Variants in TDRD5 observed in about 807,000 individuals in gnomAD.
TDRD5 encodes the protein tudor domain-containing protein 5.
A neutral mutation model predicts 120.6 loss-of-function variants in TDRD5; 41 were observed. The observed-to-expected ratio is 0.34, with a 90% CI of 0.26 to 0.44. The LOEUF is 0.44. TDRD5 is among the 20% of genes least tolerant of loss of function. The probability of loss-of-function intolerance (pLI) is 1.00; values close to 1 mark genes in which losing one functional copy is unlikely to be tolerated. For missense variants in TDRD5, 1,006 were observed against 1,221.2 expected, an observed-to-expected ratio of 0.82 and a Z score of 2.63; for synonymous variants, 430 against 433.7, an observed-to-expected ratio of 0.99 and a Z score of 0.11.
intron 17 of TDRD5, among the ~76,000 whole-genome samples, chr1:179,687,885 T>TTC (rs1166870024): frequency 3.8e-4 from 58 of 151,190 alleles, no homozygotes; most frequent in Non-Finnish European, 3.0e-4. Context: ...TTTTTTTTTT[T>TTC]CCATTTGCTT....
intron 17 of TDRD5, among the ~76,000 whole-genome samples, chr1:179,690,282 A>G (rs138358982): frequency 6.6e-6 from 1 of 152,276 alleles, no homozygotes; most frequent in East Asian, 1.9e-4. Flanking sequence ...TTACCCTGGC[A>G]CAGACTTGGA....
At chr1:179,630,721 C>A in intron 6 of TDRD5, 46 bp from the exon 7 acceptor site, 1 of 1,583,890 alleles carries the variant, frequency 6.3e-7, no homozygotes. Flanking sequence ...TGTTATATAT[C>A]TGTTATCTAA....
In TDRD5 at chr1:179,654,305, TGAA is replaced by T. The variant is rs1466322803; in HGVS notation, c.2271_2273del (p.Glu757del). 3.9e-6 allele frequency: 6 copies of T among 1,549,600 alleles called. No individual in the cohort carries two copies. In the African/African-American group the frequency reaches 8.2e-5, roughly 21 times the overall value. ...CTTTGAAAACCTGTAATAAGAGCTT[TGAA>T]GAAGATCCAAAGTGGTCCAACCCAG... On this transcript the variant is annotated inframe_deletion, in exon 14 of 18. Transcript: ENST00000444136.
intron 4 of TDRD5, among the ~76,000 whole-genome samples, chr1:179,607,489 C>T (rs1676039353): frequency 6.6e-6 from 1 of 152,042 alleles, no homozygotes; most frequent in African/African-American, 2.4e-5. Context: ...CACTCTTTGC[C>T]TTGTACCTGG....
chr1:179,655,144 C>T (rs1678930846), intron 14 of TDRD5, among the ~76,000 whole-genome samples: 1 of 152,116 alleles, frequency 6.6e-6, no homozygotes, highest in Non-Finnish European at 1.5e-5. Flanking sequence ...TAAATAACAT[C>T]CTCATGTTGT....
intron 4 of TDRD5, among the ~76,000 whole-genome samples, chr1:179,596,634 G>T (rs1390698169): frequency 6.6e-6 from 1 of 152,196 alleles, no homozygotes; most frequent in African/African-American, 2.4e-5. Flanking sequence ...TATCCAAGAT[G>T]TATATATCAG....
Position 179,650,206 on chromosome 1 carries a change from G to A in TDRD5, c.1801-661G>A, listed in dbSNP as rs544516453. On this transcript the variant is annotated intron_variant, in intron 11 of 17. Coordinates refer to ENST00000444136, the MANE Select transcript of TDRD5 (RefSeq NM_001199085.3). Reference sequence around the variant, plus strand: ...ACCTGAAGTCAGGAGCTCAAGACCAGCCTGGCCAACATGGTGAAACCCCGT... The same window carrying A: ...ACCTGAAGTCAGGAGCTCAAGACCAACCTGGCCAACATGGTGAAACCCCGT... 2.0e-5 allele frequency among the ~76,000 whole-genome samples: 3 copies of A among 152,124 alleles called. No homozygotes were observed. In the East Asian group the frequency reaches 5.8e-4, roughly 29 times the overall value.
intron 17 of TDRD5, among the ~76,000 whole-genome samples, chr1:179,682,517 C>G (rs1019083674): frequency 6.6e-6 from 1 of 152,074 alleles, no homozygotes; most frequent in Non-Finnish European, 1.5e-5. Context: ...CCTGTGTTAG[C>G]TGAGAATGAT....
intron 17 of TDRD5, among the ~76,000 whole-genome samples, chr1:179,688,026 A>G (rs1295673734): frequency 6.6e-6 from 1 of 151,872 alleles, no homozygotes; most frequent in African/African-American, 2.4e-5. Flanking sequence ...TTTTAATTGG[A>G]GCATTTAGCC....
chr1:179,649,927 C>T (rs1218491357), intron 11 of TDRD5, among the ~76,000 whole-genome samples: 1 of 152,170 alleles, frequency 6.6e-6, no homozygotes, highest in African/African-American at 2.4e-5. Context: ...AAATTAACAA[C>T]TTGAGGATGT....
intron 6 of TDRD5, among the ~76,000 whole-genome samples, chr1:179,625,571 A>G (rs1677077780): frequency 6.6e-6 from 1 of 152,224 alleles, no homozygotes; most frequent in Admixed American, 6.5e-5. Flanking sequence ...GTGCAAGTAT[A>G]AAATGGTACA....
intron 11 of TDRD5, among the ~76,000 whole-genome samples, chr1:179,648,211 C>T (rs368347848): frequency 1.3e-4 from 18 of 143,670 alleles, no homozygotes; most frequent in South Asian, 2.4e-4. Flanking sequence ...TGTCCAACAA[C>T]GATAGACTGG....
intron 11 of TDRD5, among the ~76,000 whole-genome samples, chr1:179,646,316 T>G (rs898732624): frequency 1.2e-4 from 19 of 152,178 alleles, no homozygotes; most frequent in African/African-American, 4.1e-4. Context: ...TTTTAACCCC[T>G]CAAGAAATTG....
intron 6 of TDRD5, among the ~76,000 whole-genome samples, chr1:179,622,761 T>C (rs1173916633): frequency 1.3e-5 from 2 of 152,194 alleles, no homozygotes; most frequent in East Asian, 1.9e-4. Flanking sequence ...CTGAGACCTG[T>C]GGAATAAAAC....
At chr1:179,656,005 A>C (rs546479694) in intron 14 of TDRD5, among the ~76,000 whole-genome samples, 1 of 152,304 alleles carries the variant, frequency 6.6e-6, no homozygotes, top group African/African-American at 2.4e-5. Flanking sequence ...TCATGTGATA[A>C]GTGTATGTCA....
chr1:179,621,749 TAAAAAG>T (rs368172731), intron 6 of TDRD5, among the ~76,000 whole-genome samples: 3 of 152,192 alleles, frequency 2.0e-5, no homozygotes, highest in African/African-American at 7.2e-5. Context: ...ATCCAGTTTT[TAAAAAG>T]ATAAGTCCTA....
At chr1:179,626,286 T>G (rs1280376543) in intron 6 of TDRD5, among the ~76,000 whole-genome samples, 1 of 152,226 alleles carries the variant, frequency 6.6e-6, no homozygotes, top group African/African-American at 2.4e-5. Flanking sequence ...TGAAAAATAG[T>G]TGCTGTGGAA....
intron 17 of TDRD5, among the ~76,000 whole-genome samples, chr1:179,685,657 A>G (rs550432988): frequency 6.6e-6 from 1 of 152,234 alleles, no homozygotes; most frequent in South Asian, 2.1e-4. Flanking sequence ...CATGATATTG[A>G]TTCTTCCTAT....
intron 11 of TDRD5, among the ~76,000 whole-genome samples, chr1:179,641,489 C>T (rs964691346): frequency 1.3e-5 from 2 of 151,360 alleles, no homozygotes; most frequent in Non-Finnish European, 2.9e-5. Flanking sequence ...GAGATTGCGC[C>T]GCTGCACTCC....
Sources: allele counts gnomAD v4.1 joint callset (sites outside exome capture counted in the v4.1 genomes callset), GRCh38; gene constraint gnomAD v4.1.1; transcripts MANE v1.5; gene names NCBI Gene and HGNC (gene_info 2026-07-23, HGNC 2026-07-21).